SCHIP1: variants seen among roughly 807,000 people sequenced by gnomAD.
SCHIP1 encodes schwannomin-interacting protein 1.
SCHIP1 carries 8 observed loss-of-function variants against 29.7 expected under a neutral mutation model. That is an observed-to-expected ratio of 0.27 (90% CI 0.16 to 0.49). The LOEUF (loss-of-function observed/expected upper bound fraction) is 0.49. SCHIP1 is among the 20% of genes least tolerant of loss of function. The pLI is 0.99. For synonymous variants in SCHIP1, 76 were observed against 94.9 expected (o/e 0.80, Z 1.16); for missense variants, 193 against 294.6 (o/e 0.66, Z 2.52).
At chr3:159,432,674 A>G in the SCHIP1 span, among the ~76,000 whole-genome samples, 1 of 152,178 alleles carries the variant, frequency 6.6e-6, no homozygotes, top group African/African-American at 2.4e-5. Flanking sequence ...ATTAGGTGTG[A>G]AATAATGAAG....
chr3:159,774,133 T>C, the SCHIP1 span, among the ~76,000 whole-genome samples: 63 of 152,370 alleles, frequency 4.1e-4, no homozygotes, highest in African/African-American at 1.4e-3. Context: ...TTTATTTGTG[T>C]ATTTCCCCAG....
the SCHIP1 span, among the ~76,000 whole-genome samples, chr3:159,366,278 C>T: frequency 2.6e-5 from 4 of 151,508 alleles, no homozygotes; most frequent in Admixed American, 2.0e-4. Flanking sequence ...ATGGCCCAAA[C>T]CATTCATGAG....
the SCHIP1 span, among the ~76,000 whole-genome samples, chr3:159,748,624 C>T: frequency 6.6e-6 from 1 of 152,212 alleles, no homozygotes; most frequent in Non-Finnish European, 1.5e-5. Context: ...GGCAATTATA[C>T]TAATGCTCAG....
the SCHIP1 span, among the ~76,000 whole-genome samples, chr3:159,356,496 G>A: frequency 5.3e-5 from 8 of 152,162 alleles, no homozygotes; most frequent in African/African-American, 1.9e-4. Flanking sequence ...AGTGAGGGTG[G>A]TAGACAGAGA....
the SCHIP1 span, among the ~76,000 whole-genome samples, chr3:159,559,674 A>C: frequency 5.9e-5 from 9 of 152,170 alleles, no homozygotes; most frequent in African/African-American, 2.2e-4. Flanking sequence ...ACAGTATTAT[A>C]TATTACATTA....
At chr3:159,886,419 CA>C in intron 3 of SCHIP1, 95 bp downstream of exon 4, 2 of 1,166,490 alleles carry the variant, frequency 1.7e-6, no homozygotes, top group Non-Finnish European at 2.5e-6. Flanking sequence ...ACAAACATTT[CA>C]GAGATTAAAG....
the SCHIP1 span, among the ~76,000 whole-genome samples, chr3:159,745,231 C>T: frequency 1.3e-5 from 2 of 152,334 alleles, no homozygotes; most frequent in South Asian, 4.1e-4. Context: ...TTTGATCTTT[C>T]TGCTAAAATC....
the SCHIP1 span, among the ~76,000 whole-genome samples, chr3:159,664,341 A>G: frequency 1.3e-5 from 2 of 152,214 alleles, no homozygotes; most frequent in Non-Finnish European, 2.9e-5. Flanking sequence ...TATTAATAAT[A>G]TAGTAGTTAT....
the SCHIP1 span, among the ~76,000 whole-genome samples, chr3:159,399,976 A>T: frequency 2.4e-4 from 36 of 152,256 alleles, no homozygotes; most frequent in East Asian, 6.6e-3. Context: ...GGCATATTTT[A>T]AAAATGCAGG....
the SCHIP1 span, among the ~76,000 whole-genome samples, chr3:159,680,729 TA>T: frequency 2.3e-4 from 16 of 69,196 alleles, no homozygotes; most frequent in African/African-American, 2.9e-4. Context: ...TGTATATATA[TA>T]ATATACATAT....
At chr3:159,372,254 G>T in the SCHIP1 span, among the ~76,000 whole-genome samples, 1 of 152,086 alleles carries the variant, frequency 6.6e-6, no homozygotes, top group African/African-American at 2.4e-5. Context: ...TATTTCTCAA[G>T]TGTACAAATT....
the SCHIP1 span, among the ~76,000 whole-genome samples, chr3:159,293,360 C>A: frequency 6.6e-6 from 1 of 152,174 alleles, no homozygotes; most frequent in Non-Finnish European, 1.5e-5. Flanking sequence ...GGCTGGTCAG[C>A]GCAAGGAAAA....
At chr3:159,789,757 A>G in the SCHIP1 span, among the ~76,000 whole-genome samples, 5 of 152,252 alleles carry the variant, frequency 3.3e-5, no homozygotes, top group African/African-American at 9.6e-5. Context: ...TTTTGTTATC[A>G]TAAGAAAGAT....
the SCHIP1 span, among the ~76,000 whole-genome samples, chr3:159,301,193 C>T: frequency 1.3e-5 from 2 of 152,210 alleles, no homozygotes; most frequent in East Asian, 3.9e-4. Context: ...GTCACTATTA[C>T]CCCCCATTTT....
At chr3:159,331,681 ACT>A in the SCHIP1 span, among the ~76,000 whole-genome samples, 1 of 151,994 alleles carries the variant, frequency 6.6e-6, no homozygotes, top group African/African-American at 2.4e-5. Context: ...TACTCTGTTC[ACT>A]TTTTTCTCTC....
At chr3:159,758,663 T>C in the SCHIP1 span, among the ~76,000 whole-genome samples, 2 of 152,360 alleles carry the variant, frequency 1.3e-5, no homozygotes, top group East Asian at 3.9e-4. Context: ...CTTGCAGAGA[T>C]TCTGTGTACT....
the SCHIP1 span, among the ~76,000 whole-genome samples, chr3:159,819,037 C>A: frequency 4.6e-5 from 7 of 152,306 alleles, no homozygotes; most frequent in African/African-American, 1.7e-4. Flanking sequence ...ACACTTTAGG[C>A]AGAATGTGCA....
chr3:159,706,516 T>C, the SCHIP1 span, among the ~76,000 whole-genome samples: 1 of 152,232 alleles, frequency 6.6e-6, no homozygotes, highest in African/African-American at 2.4e-5. Context: ...CAGAATCTAA[T>C]AAATCTGGTC....
the SCHIP1 span, among the ~76,000 whole-genome samples, chr3:159,674,296 A>C: frequency 6.6e-6 from 1 of 152,172 alleles, no homozygotes; most frequent in East Asian, 1.9e-4. Context: ...TGTGGCTAGA[A>C]GGGTCAGGGA....
Sources: allele counts gnomAD v4.1 joint callset (sites outside exome capture counted in the v4.1 genomes callset), GRCh38; gene constraint gnomAD v4.1.1; transcripts MANE v1.5; gene names NCBI Gene and HGNC (gene_info 2026-07-23, HGNC 2026-07-21).